Variants in CHCHD3 observed in about 807,000 individuals in gnomAD.
CHCHD3 encodes the protein MICOS complex subunit MIC19.
Under a neutral mutation model 38.2 loss-of-function variants are expected in CHCHD3, and 20 were observed. The observed-to-expected ratio is 0.52, with a 90% CI of 0.37 to 0.76. The LOEUF is 0.76. Among genes scored for constraint, CHCHD3 ranks in the 30% least tolerant of loss-of-function variants. The pLI is 0.00. For synonymous variants in CHCHD3, 82 were observed against 100.0 expected (o/e 0.82, Z 1.07); for missense variants, 245 against 279.2 (o/e 0.88, Z 0.87).
At chr7:133,001,704 T>G (rs1812578305) in intron 3 of CHCHD3, among the ~76,000 whole-genome samples, 2 of 152,074 alleles carry the variant, frequency 1.3e-5, no homozygotes, top group African/African-American at 4.8e-5. Context: ...AAAGAGATCT[T>G]TTACAATCTT....
At chr7:133,024,729 G>A in intron 2 of CHCHD3, 102 bp from the exon 3 acceptor site, 2 of 862,124 alleles carry the variant, frequency 2.3e-6, no homozygotes, top group South Asian at 1.4e-5. Flanking sequence ...ATTTGAACAG[G>A]CAAAGTTCTG....
At chr7:132,831,317 AC>A (rs1431915825) in intron 6 of CHCHD3, among the ~76,000 whole-genome samples, 1 of 152,202 alleles carries the variant, frequency 6.6e-6, no homozygotes, top group Non-Finnish European at 1.5e-5. Context: ...TTACTGAGAT[AC>A]ACCATTTGAT....
intron 2 of CHCHD3, among the ~76,000 whole-genome samples, chr7:133,049,197 C>T (rs1477548766): frequency 1.3e-5 from 2 of 152,148 alleles, no homozygotes; most frequent in South Asian, 2.1e-4. Context: ...GACATGATGC[C>T]TTTACCCCTA....
chr7:132,914,167 T>TGTGTGTG (rs1585632461), intron 4 of CHCHD3, among the ~76,000 whole-genome samples: 19 of 144,992 alleles, frequency 1.3e-4, no homozygotes, highest in African/African-American at 3.8e-4. Context: ...TGTGTGTGTG[T>TGTGTGTG]TTAGTAGAGA....
intron 4 of CHCHD3, among the ~76,000 whole-genome samples, chr7:132,910,019 T>C (rs552611173): frequency 2.0e-5 from 3 of 152,376 alleles, no homozygotes; most frequent in East Asian, 1.9e-4. Context: ...GGATTTGAAC[T>C]GAGCAAGTGC....
chr7:132,892,798 A>G (rs1192065878), intron 4 of CHCHD3, among the ~76,000 whole-genome samples: 2 of 152,238 alleles, frequency 1.3e-5, no homozygotes, highest in Non-Finnish European at 2.9e-5. Context: ...GCAAGCCCCA[A>G]GCCTTAGCAG....
intron 4 of CHCHD3, among the ~76,000 whole-genome samples, chr7:132,927,350 C>T (rs1330978380): frequency 1.3e-5 from 2 of 152,194 alleles, no homozygotes. Flanking sequence ...GCATGCATTC[C>T]TAACTTAACA....
intron 3 of CHCHD3, among the ~76,000 whole-genome samples, chr7:133,022,226 T>C (rs1813199669): frequency 6.6e-6 from 1 of 152,326 alleles, no homozygotes; most frequent in Non-Finnish European, 1.5e-5. Flanking sequence ...TGTACGTACG[T>C]AGATGCGTAT....
intron 7 of CHCHD3, among the ~76,000 whole-genome samples, chr7:132,789,806 A>G (rs1239627416): frequency 6.6e-6 from 1 of 152,150 alleles, no homozygotes; most frequent in African/African-American, 2.4e-5. Context: ...AAAGCTGGGT[A>G]GAGAAGCAGG....
At chr7:132,884,595 G>A (rs1406336021) in intron 5 of CHCHD3, among the ~76,000 whole-genome samples, 2 of 152,154 alleles carry the variant, frequency 1.3e-5, no homozygotes, top group Non-Finnish European at 2.9e-5. Flanking sequence ...GGTTAATAGT[G>A]TATTTCTTAT....
intron 4 of CHCHD3, among the ~76,000 whole-genome samples, chr7:132,889,061 T>C (rs1449439992): frequency 6.6e-6 from 1 of 152,116 alleles, no homozygotes; most frequent in Non-Finnish European, 1.5e-5. Flanking sequence ...TAAACATCAA[T>C]ATTCCATATG....
At chr7:133,013,113 G>A (rs926701300) in intron 3 of CHCHD3, among the ~76,000 whole-genome samples, 58 of 144,488 alleles carry the variant, frequency 4.0e-4, no homozygotes, top group Middle Eastern at 4.1e-3. Context: ...TTGAACCCAG[G>A]AAGCAGAGGT....
At chr7:133,061,810 T>C (rs1196207933) in intron 2 of CHCHD3, among the ~76,000 whole-genome samples, 3 of 152,210 alleles carry the variant, frequency 2.0e-5, no homozygotes, top group Non-Finnish European at 4.4e-5. Flanking sequence ...GTCATAAGCA[T>C]GCCATAGCAA....
intron 6 of CHCHD3, among the ~76,000 whole-genome samples, chr7:132,799,007 CTGTGTGTGTGTGTGTG>C (rs58508838): frequency 0.29 from 42,056 of 145,526 alleles, 6,415 homozygotes; most frequent in East Asian, 0.57. Flanking sequence ...GTGATCTGTT[CTGTGTGTGTGTGTGTG>C]TGTGTGTGTG....
chr7:132,908,353 C>A (rs1809849029), intron 4 of CHCHD3, among the ~76,000 whole-genome samples: 1 of 152,100 alleles, frequency 6.6e-6, no homozygotes, highest in South Asian at 2.1e-4. Context: ...TAAGAGGCTA[C>A]TATATAAAGT....
intron 4 of CHCHD3, among the ~76,000 whole-genome samples, chr7:132,933,381 A>G (rs1810562094): frequency 6.6e-6 from 1 of 152,214 alleles, no homozygotes; most frequent in Non-Finnish European, 1.5e-5. Flanking sequence ...AGAAGTATGT[A>G]TTTCAATGAC....
At chr7:133,024,494 G>C in intron 3 of CHCHD3, 52 bp downstream of exon 3, 1 of 1,211,792 alleles carries the variant, frequency 8.3e-7, no homozygotes. Context: ...TAAAAATACT[G>C]GTAAATATGA....
At chr7:133,063,539 C>A (rs915994448) in intron 2 of CHCHD3, among the ~76,000 whole-genome samples, 1 of 152,070 alleles carries the variant, frequency 6.6e-6, no homozygotes, top group Non-Finnish European at 1.5e-5. Context: ...GGGCCAATTA[C>A]GGACAAACAA....
At chr7:132,917,799 C>A (rs2117231627) in intron 4 of CHCHD3, among the ~76,000 whole-genome samples, 1 of 130,570 alleles carries the variant, frequency 7.7e-6, no homozygotes, top group East Asian at 2.3e-4. Flanking sequence ...GCGGAGCTTG[C>A]AGTGAGCAAA....
Sources: gnomAD v4.1 joint callset for allele counts (sites outside exome capture counted in the v4.1 genomes callset) on GRCh38, gnomAD v4.1.1 for gene constraint, MANE v1.5 for transcripts, NCBI Gene and HGNC (gene_info 2026-07-23, HGNC 2026-07-21) for gene names.